Variants in CD200 observed in about 807,000 individuals in gnomAD.
CD200 encodes the protein OX-2 membrane glycoprotein.
Under a neutral mutation model 30.9 loss-of-function variants are expected in CD200, and 15 were observed. That is an observed-to-expected ratio of 0.49 (90% CI 0.32 to 0.75). CD200 has a LOEUF of 0.75. Ranked by LOEUF, CD200 falls within the 30% of genes least tolerant of loss-of-function variation. The pLI is 0.03. For synonymous variants in CD200, 134 were observed against 126.2 expected (o/e 1.06, Z -0.41); for missense variants, 262 against 324.2 (o/e 0.81, Z 1.47).
intron 3 of CD200, among the ~76,000 whole-genome samples, chr3:112,346,544 C>G (rs576131837): frequency 1.7e-4 from 26 of 152,294 alleles, no homozygotes; most frequent in African/African-American, 6.0e-4. Flanking sequence ...CCTCAACACT[C>G]AGTCTGGCCC....
chr3:112,359,227 CTTAAT>C (rs1276128180), intron 5 of CD200, among the ~76,000 whole-genome samples: 1 of 151,900 alleles, frequency 6.6e-6, no homozygotes, highest in African/African-American at 2.4e-5. Flanking sequence ...CAAAGTCAGG[CTTAAT>C]TTAAGAGCTT....
chr3:112,345,744 G>T (rs749973272), intron 3 of CD200, among the ~76,000 whole-genome samples: 4 of 152,196 alleles, frequency 2.6e-5, no homozygotes, highest in Non-Finnish European at 5.9e-5. Context: ...CTAGCCTTGA[G>T]CCAGTTATGA....
chr3:112,346,146 T>C (rs932437584), intron 3 of CD200, among the ~76,000 whole-genome samples: 5 of 152,122 alleles, frequency 3.3e-5, no homozygotes, highest in African/African-American at 1.2e-4. Flanking sequence ...TTACTTATTT[T>C]GCCTATAATG....
rs531805538 is a variant in CD200 at position 112,333,184 on chromosome 3, C to T, written c.-29C>T. 3 of 1,549,118 alleles carry T rather than the reference C, an allele frequency of 1.9e-6. No individual in the cohort carries two copies. The highest frequency in any genetic ancestry group is 2.0e-5 in the Admixed American group (1 of 50,982). On this transcript the variant is annotated 5_prime_UTR_variant, in exon 1 of 6. Coordinates refer to ENST00000315711, the MANE Select transcript of CD200 (RefSeq NM_005944.7). ...GCTCCAGGCGCACATCCGCAGTCAG[C>T]CACCTCGCGCGCGCCTCCAGGAGCA... is the stretch of plus-strand genomic sequence containing the variant.
chr3:112,347,873 C>T (rs185587045), intron 4 of CD200, 43 bp downstream of exon 4: 1 of 1,570,190 alleles, frequency 6.4e-7, no homozygotes, highest in Non-Finnish European at 8.7e-7. Context: ...TGTCTGTGTG[C>T]ATGGACCTGG....
At chr3:112,341,321 A>C (rs1452383800) in intron 2 of CD200, among the ~76,000 whole-genome samples, 1 of 152,224 alleles carries the variant, frequency 6.6e-6, no homozygotes, top group African/African-American at 2.4e-5. Flanking sequence ...CTTGAATTCA[A>C]TCTTTTTGGA....
intron 3 of CD200, among the ~76,000 whole-genome samples, chr3:112,346,988 G>A (rs79809734): frequency 0.012 from 1,796 of 152,214 alleles, 31 homozygotes; most frequent in African/African-American, 0.041. Flanking sequence ...TTGGTTTTGT[G>A]TAGCTCTTCC....
At chr3:112,333,447 C>A (rs1199327866) in intron 1 of CD200, 3 of 985,256 alleles carry the variant, frequency 3.0e-6, no homozygotes. Flanking sequence ...CAGCTGCTGG[C>A]GTCCAGATTC....
rs1393006724 is a variant in CD200 at position 112,361,714 on chromosome 3, C to T, written c.*164C>T. The stretch of plus-strand genomic sequence containing the variant: ...CGACTTTTTACTGCCATCTGAGCTA[C>T]TCAGTGTTTGAATCCCAAGAGGAAG... On this transcript the variant is annotated 3_prime_UTR_variant, in exon 6 of 6. Transcript: ENST00000315711. The T allele has an allele frequency of 4.2e-6, 3 of 706,218 alleles. No homozygotes were observed. The highest frequency in any genetic ancestry group is 3.6e-5 in the African/African-American group (2 of 55,820). 43.7% of individuals were successfully genotyped at this position (706,218 alleles called of 1,614,324 possible). A position where few individuals can be genotyped will look rare whatever the true frequency, so the allele number is the denominator to read the frequency against.
In CD200 at chr3:112,342,337, CCTTCTTTCT is replaced by C. The variant is rs1559783187; in HGVS notation, c.94+1355_94+1363del. On this transcript the variant is annotated intron_variant, in intron 2 of 5. Transcript: ENST00000315711. ...TCTTTCTTTCTTTCTTTCTTTCTTT[CCTTCTTTCT>C]TTCTTTCTTTCTTTCTTTCTTTCTT... Among the ~76,000 whole-genome samples the C allele has an allele frequency of 2.0e-3, 41 of 20,294 alleles. 2 individuals are homozygous for C. The highest frequency in any genetic ancestry group is 4.7e-3 in the African/African-American group (21 of 4,476). The allele number at this position is 20,294 out of a possible 152,430, so 13.3% of individuals were successfully genotyped here.
At position 112,340,977 on chromosome 3, in the gene CD200, G is replaced by A; in HGVS notation, c.88G>A (p.Ala30Thr). The A allele has an allele frequency of 2.5e-6, 4 of 1,606,764 alleles. No individual in the cohort carries two copies. Among genetic ancestry groups the A allele is most frequent in the Non-Finnish European group, 3.4e-6 (4 of 1,173,550 alleles). The change falls in exon 2 of 6, where the codon GCA (alanine) becomes ACA (threonine). Residue 30 changes from alanine to threonine, a missense_variant. Coordinates refer to ENST00000315711, the MANE Select transcript of CD200 (RefSeq NM_005944.7). The stretch of plus-strand genomic sequence containing the variant: ...CATGGCAGCAGTGGTGCTGTGCACA[G>A]CACAAGGTAAAGAAACTCAATTCCC... The part of the protein sequence containing the change: ...WVMAAVVLCT[A>T]QVQVVTQDER...
At chr3:112,359,870 G>T (rs1430729482) in intron 5 of CD200, among the ~76,000 whole-genome samples, 1 of 152,160 alleles carries the variant, frequency 6.6e-6, no homozygotes, top group Non-Finnish European at 1.5e-5. Flanking sequence ...AGGATAACTT[G>T]AAAAGGATAC....
At chr3:112,333,850 C>T in intron 1 of CD200, 1 of 985,398 alleles carries the variant, frequency 1.0e-6, no homozygotes, top group Non-Finnish European at 1.2e-6. Context: ...GAAGGGTTAA[C>T]CCCGGGTATC....
At chr3:112,349,527 G>C (rs2081488827) in intron 4 of CD200, among the ~76,000 whole-genome samples, 185 bp from the exon 5 acceptor site, 1 of 152,076 alleles carries the variant, frequency 6.6e-6, no homozygotes, top group Non-Finnish European at 1.5e-5. Flanking sequence ...TTATTACACA[G>C]TAGCCAGATA....
At chr3:112,335,777 C>T (rs1249961225) in intron 1 of CD200, 6 of 647,908 alleles carry the variant, frequency 9.3e-6, no homozygotes, top group Non-Finnish European at 1.7e-5. Flanking sequence ...TGAAGAAGAG[C>T]CCTTTTCCAG....
chr3:112,349,311 A>G (rs981524165), intron 4 of CD200, among the ~76,000 whole-genome samples: 4 of 152,240 alleles, frequency 2.6e-5, no homozygotes, highest in Non-Finnish European at 5.9e-5. Context: ...AATTTCCTCA[A>G]TAAACATGTA....
intron 1 of CD200, among the ~76,000 whole-genome samples, chr3:112,336,343 A>C (rs1292641857): frequency 6.6e-6 from 1 of 152,094 alleles, no homozygotes; most frequent in Non-Finnish European, 1.5e-5. Flanking sequence ...TGAGAACTCC[A>C]TTCCCGACCC....
intron 5 of CD200, among the ~76,000 whole-genome samples, chr3:112,352,427 A>G (rs2081549746): frequency 6.6e-6 from 1 of 152,132 alleles, no homozygotes; most frequent in African/African-American, 2.4e-5. Context: ...GAAAACATAA[A>G]ATTTCCAAAT....
rs1431324269 is a variant in CD200, at chr3:112,344,942, G to A, written c.95-20G>A. ...TGTGTTACAATCTTTAAATATAAAT[G>A]TTCTTTTATGATTCCATAGTGCAAG... On this transcript the variant is annotated intron_variant, in intron 2 of 5. Coordinates refer to ENST00000315711, the MANE Select transcript of CD200 (RefSeq NM_005944.7). 1.3e-6 allele frequency: 2 copies of A among 1,535,640 alleles called. No individual in the cohort carries two copies. The highest frequency in any genetic ancestry group is 1.2e-5 in the South Asian group (1 of 84,164).
Sources: gnomAD v4.1 joint callset for allele counts (sites outside exome capture counted in the v4.1 genomes callset) on GRCh38, gnomAD v4.1.1 for gene constraint, MANE v1.5 for transcripts, NCBI Gene and HGNC (gene_info 2026-07-23, HGNC 2026-07-21) for gene names.